NUBPL: variants seen among roughly 807,000 people sequenced by gnomAD.
NUBPL encodes iron-sulfur cluster transfer protein NUBPL.
Under a neutral mutation model 45.7 loss-of-function variants are expected in NUBPL, and 31 were observed. The ratio of observed to expected loss-of-function variants is 0.68; its 90% confidence interval spans 0.51 to 0.92. NUBPL has a LOEUF of 0.92. Ranked by LOEUF, NUBPL falls within the 40% of genes least tolerant of loss-of-function variation. The probability of loss-of-function intolerance (pLI) is 0.00; values close to 1 mark genes in which losing one functional copy is unlikely to be tolerated. For missense variants in NUBPL, 401 were observed against 398.7 expected (o/e 1.01, Z -0.05); for synonymous variants, 144 against 140.9 (o/e 1.02, Z -0.15).
At chr14:31,815,075 AAGTC>A (rs1489894428) in intron 7 of NUBPL, among the ~76,000 whole-genome samples, 1 of 152,190 alleles carries the variant, frequency 6.6e-6, no homozygotes, top group African/African-American at 2.4e-5. Context: ...TCTGTGAAGA[AAGTC>A]AGTGGTAGCT....
chr14:31,778,215 A>T (rs2039130398), intron 6 of NUBPL, among the ~76,000 whole-genome samples: 1 of 152,244 alleles, frequency 6.6e-6, no homozygotes, highest in South Asian at 2.1e-4. Flanking sequence ...AGGACAACTC[A>T]AGTATTATTT....
At chr14:31,568,721 A>AT (rs2033503455) in intron 3 of NUBPL, among the ~76,000 whole-genome samples, 1 of 152,264 alleles carries the variant, frequency 6.6e-6, no homozygotes, top group Non-Finnish European at 1.5e-5. Flanking sequence ...CAAAGTTGAT[A>AT]TACTAGAGTG....
chr14:31,800,389 C>T (rs2039564430), intron 7 of NUBPL, among the ~76,000 whole-genome samples: 2 of 152,154 alleles, frequency 1.3e-5, no homozygotes, highest in South Asian at 2.1e-4. Context: ...TGGTTTGTGG[C>T]ACCCCACAAC....
chr14:31,760,832 C>CTTTATTTATTTA lies in NUBPL; in HGVS notation c.514-26935_514-26924dup, dbSNP rs145333442. Among the ~76,000 whole-genome samples, 283 of 150,864 alleles carry CTTTATTTATTTA rather than the reference C, an allele frequency of 1.9e-3. 1 individual carries two copies. The highest frequency in any genetic ancestry group is 6.7e-3 in the African/African-American group (273 of 40,640). On this transcript the variant is annotated intron_variant, in intron 6 of 10. Coordinates refer to ENST00000281081, the MANE Select transcript of NUBPL (RefSeq NM_025152.3). Reference sequence around the variant, plus strand: ...GGCTCCATCTACTTTTTACATTTTACTTTATTTATTTATTTATTTATTTAG... The same window carrying CTTTATTTATTTA: ...GGCTCCATCTACTTTTTACATTTTACTTTATTTATTTATTTATTTATTTATTTATTTATTTAG...
chr14:31,769,095 A>C (rs1170900456), intron 6 of NUBPL, among the ~76,000 whole-genome samples: 1 of 152,182 alleles, frequency 6.6e-6, no homozygotes, highest in African/African-American at 2.4e-5. Flanking sequence ...TGGTTTACAC[A>C]AATAACATTG....
At chr14:31,706,833 T>C (rs7153589) in intron 6 of NUBPL, among the ~76,000 whole-genome samples, 39,253 of 152,182 alleles carry the variant, frequency 0.26, 10,804 homozygotes, top group African/African-American at 0.7. Flanking sequence ...AACCTTACTT[T>C]AGTTGAAAAC....
intron 10 of NUBPL, among the ~76,000 whole-genome samples, chr14:31,850,814 G>A (rs1041974421): frequency 6.6e-6 from 1 of 151,800 alleles, no homozygotes. Context: ...ATGGAGACAG[G>A]GTCTCACTAT....
At chr14:31,718,582 A>G (rs2037738903) in intron 6 of NUBPL, among the ~76,000 whole-genome samples, 1 of 152,144 alleles carries the variant, frequency 6.6e-6, no homozygotes, top group South Asian at 2.1e-4. Context: ...GTAGTAAAAA[A>G]ATTCTATTAA....
At chr14:31,757,096 G>A (rs1408577934) in intron 6 of NUBPL, among the ~76,000 whole-genome samples, 3 of 151,476 alleles carry the variant, frequency 2.0e-5, no homozygotes, top group South Asian at 2.1e-4. Flanking sequence ...TGCTGGATTC[G>A]GTTTGCCAGT....
At chr14:31,826,006 AAGTAAAGCCT>A (rs1435034379) in intron 7 of NUBPL, among the ~76,000 whole-genome samples, 1 of 151,850 alleles carries the variant, frequency 6.6e-6, no homozygotes, top group Non-Finnish European at 1.5e-5. Flanking sequence ...ATTAATTTGA[AAGTAAAGCCT>A]AGCTTGTGCA....
chr14:31,696,463 G>T (rs987129428), intron 6 of NUBPL, among the ~76,000 whole-genome samples: 1 of 151,980 alleles, frequency 6.6e-6, no homozygotes, highest in Admixed American at 6.6e-5. Context: ...TCTTTATCTC[G>T]TTACATGGCC....
At position 31,669,205 on chromosome 14, in the gene NUBPL, G is replaced by A. The variant is rs551077166; in HGVS notation, c.383-4150G>A. On this transcript the variant is annotated intron_variant, in intron 4 of 10. Transcript: ENST00000281081. ...TGACACATAATTGCATATATTTATGGGACACAATTTGATGTGTCAGTATAT... is the reference window on the plus strand; with the variant it reads ...TGACACATAATTGCATATATTTATGAGACACAATTTGATGTGTCAGTATAT... 2.6e-5 allele frequency among the ~76,000 whole-genome samples: 4 copies of A among 151,710 alleles called. No homozygotes were observed. The East Asian group carries it at 5.8e-4, about 22-fold the overall frequency.
intron 4 of NUBPL, among the ~76,000 whole-genome samples, chr14:31,624,292 A>G (rs1334101877): frequency 6.6e-6 from 1 of 152,156 alleles, no homozygotes; most frequent in Non-Finnish European, 1.5e-5. Flanking sequence ...GATAGAGCAG[A>G]TAGGAAAAAG....
rs143933058 is a variant in NUBPL at position 31,764,850 on chromosome 14, A to G, written c.514-22930A>G. Among the ~76,000 whole-genome samples, 319 of 152,334 alleles carry G rather than the reference A, an allele frequency of 2.1e-3. 1 individual carries two copies. The highest frequency in any genetic ancestry group is 7.3e-3 in the African/African-American group (305 of 41,574). ...AGCAAGTTGCAAAGTGCTGAAGTTG[A>G]TAACATGGGAACTAGGTTGTTTTAT... On this transcript the variant is annotated intron_variant, in intron 6 of 10. Coordinates refer to ENST00000281081, the MANE Select transcript of NUBPL (RefSeq NM_025152.3).
At chr14:31,811,258 TTACATGTAGACTTG>T (rs1451998645) in intron 7 of NUBPL, among the ~76,000 whole-genome samples, 2 of 152,222 alleles carry the variant, frequency 1.3e-5, no homozygotes, top group Non-Finnish European at 2.9e-5. Context: ...AGTACACCAA[TTACATGTAGACTTG>T]GTCTGTTCAC....
chr14:31,798,791 CAAAAAAAAAAAAA>C (rs1164176250), intron 7 of NUBPL, among the ~76,000 whole-genome samples: 3 of 53,504 alleles, frequency 5.6e-5, no homozygotes, highest in African/African-American at 1.9e-4. Context: ...GACTCCGTCT[CAAAAAAAAAAAAA>C]AAAAAAAAAA....
At chr14:31,837,647 A>G (rs2040303244) in intron 8 of NUBPL, among the ~76,000 whole-genome samples, 2 of 152,338 alleles carry the variant, frequency 1.3e-5, no homozygotes, top group South Asian at 2.1e-4. Flanking sequence ...AGGATCAACC[A>G]AAAAGGAATT....
intron 6 of NUBPL, among the ~76,000 whole-genome samples, chr14:31,699,533 A>G (rs1434646768): frequency 6.6e-6 from 1 of 152,188 alleles, no homozygotes; most frequent in Non-Finnish European, 1.5e-5. Flanking sequence ...AATCTCTCTG[A>G]TTCTCTTGGC....
At chr14:31,748,053 G>A (rs952722581) in intron 6 of NUBPL, among the ~76,000 whole-genome samples, 1 of 151,876 alleles carries the variant, frequency 6.6e-6, no homozygotes, top group Non-Finnish European at 1.5e-5. Flanking sequence ...TTTTTTCGTT[G>A]ACCCATTGGT....
Sources: gnomAD v4.1 joint callset for allele counts (sites outside exome capture counted in the v4.1 genomes callset) on GRCh38, gnomAD v4.1.1 for gene constraint, MANE v1.5 for transcripts, NCBI Gene and HGNC (gene_info 2026-07-23, HGNC 2026-07-21) for gene names.